The following MACROD2 variants were observed in gnomAD, a reference collection of about 807,000 sequenced individuals.
The protein encoded by MACROD2 is ADP-ribose glycohydrolase MACROD2.
Under a neutral mutation model 70.4 loss-of-function variants are expected in MACROD2, and 36 were observed. The ratio of observed to expected loss-of-function variants is 0.51; its 90% confidence interval spans 0.39 to 0.68. The LOEUF is 0.68. Ranked by LOEUF, MACROD2 falls within the 30% of genes least tolerant of loss-of-function variation. MACROD2 has a pLI of 0.00. For missense variants in MACROD2, 496 were observed against 538.4 expected (o/e 0.92, Z 0.78); for synonymous variants, 172 against 178.8 (o/e 0.96, Z 0.30).
chr20:15,304,617 G>T (rs1600221255), intron 6 of MACROD2, among the ~76,000 whole-genome samples: 1 of 152,198 alleles, frequency 6.6e-6, no homozygotes, highest in East Asian at 1.9e-4. Flanking sequence ...AGCACCAGTG[G>T]CGTTATCAGC....
At chr20:14,363,129 TCTAA>T (rs969168764) in intron 3 of MACROD2, among the ~76,000 whole-genome samples, 236 of 152,282 alleles carry the variant, frequency 1.5e-3, no homozygotes, top group African/African-American at 5.4e-3. Flanking sequence ...ACACTTGAGC[TCTAA>T]CTCTCACTCT....
chr20:14,826,045 A>C (rs891505729), intron 5 of MACROD2, among the ~76,000 whole-genome samples: 4 of 152,168 alleles, frequency 2.6e-5, no homozygotes, highest in African/African-American at 9.7e-5. Flanking sequence ...CAGATGTGGA[A>C]CTAAAGTACA....
intron 8 of MACROD2, among the ~76,000 whole-genome samples, chr20:15,622,279 A>G (rs2049137041): frequency 6.6e-6 from 1 of 152,248 alleles, no homozygotes; most frequent in Non-Finnish European, 1.5e-5. Context: ...GACATTCTCC[A>G]AGGAAACAAT....
At chr20:14,702,257 C>T (rs2071205066) in intron 5 of MACROD2, among the ~76,000 whole-genome samples, 1 of 151,590 alleles carries the variant, frequency 6.6e-6, no homozygotes, top group Admixed American at 6.6e-5. Flanking sequence ...AACATTTTGC[C>T]TCTTTATTTC....
chr20:14,492,696 T>C (rs1301005439), intron 3 of MACROD2, among the ~76,000 whole-genome samples: 5 of 152,110 alleles, frequency 3.3e-5, no homozygotes, highest in Non-Finnish European at 7.4e-5. Context: ...CAAGAAATAA[T>C]TCCTGTGATA....
intron 3 of MACROD2, among the ~76,000 whole-genome samples, chr20:14,384,845 T>C (rs1015252530): frequency 1.3e-5 from 2 of 152,152 alleles, no homozygotes; most frequent in Non-Finnish European, 2.9e-5. Context: ...TCTGATATAC[T>C]TTAGAGTGCT....
Position 14,153,333 on chromosome 20 carries a change from G to A in MACROD2, c.271+67605G>A, listed in dbSNP as rs191885109. Among the ~76,000 whole-genome samples, 298 of 152,282 alleles carry A rather than the reference G, an allele frequency of 2.0e-3. 5 individuals are homozygous for A. The highest frequency in any genetic ancestry group is 6.7e-3 in the African/African-American group (279 of 41,554). On this transcript the variant is annotated intron_variant, in intron 3 of 17. Coordinates refer to ENST00000684519, the MANE Select transcript of MACROD2 (RefSeq NM_001351661.2). ...GCAAAACCGTCCTAGTGGGTGTCAG[G>A]TAACCCTACATGCTTTAGTACAATT...
Position 14,559,700 on chromosome 20 carries a change from T to C in MACROD2, c.301+66192T>C, listed in dbSNP as rs139251562. Among the ~76,000 whole-genome samples, 841 of 151,962 alleles carry C rather than the reference T, an allele frequency of 5.5e-3. 9 individuals carry two copies. The highest frequency in any genetic ancestry group is 0.019 in the African/African-American group (786 of 41,528). The stretch of plus-strand genomic sequence containing the variant: ...ATTCTCACACTTTTTTCTTTAGTTA[T>C]ATACATAAATCATTTTAGGGCTGAC... On this transcript the variant is annotated intron_variant, in intron 4 of 17. Coordinates refer to ENST00000684519, the MANE Select transcript of MACROD2 (RefSeq NM_001351661.2).
chr20:15,444,378 C>T (rs16995750), intron 7 of MACROD2, among the ~76,000 whole-genome samples: 25,570 of 152,104 alleles, frequency 0.17, 2,628 homozygotes, highest in Non-Finnish European at 0.24. Context: ...ATAATTACAT[C>T]GCTAAATATA....
At chr20:15,156,129 T>C (rs1267348692) in intron 5 of MACROD2, among the ~76,000 whole-genome samples, 1 of 152,188 alleles carries the variant, frequency 6.6e-6, no homozygotes, top group African/African-American at 2.4e-5. Flanking sequence ...TGCAATTTCC[T>C]TTTTCCTCAC....
At chr20:14,971,608 T>C (rs987944820) in intron 5 of MACROD2, among the ~76,000 whole-genome samples, 2 of 152,070 alleles carry the variant, frequency 1.3e-5, no homozygotes, top group African/African-American at 4.8e-5. Flanking sequence ...CTGGGGCAGG[T>C]CTCACTTGGG....
At chr20:14,143,815 T>C (rs2054908626) in intron 3 of MACROD2, among the ~76,000 whole-genome samples, 1 of 152,202 alleles carries the variant, frequency 6.6e-6, no homozygotes, top group African/African-American at 2.4e-5. Context: ...ATGAAACATT[T>C]CTGAAGAAAT....
chr20:15,304,750 A>T (rs1263408018), intron 6 of MACROD2, among the ~76,000 whole-genome samples: 2 of 152,076 alleles, frequency 1.3e-5, no homozygotes, highest in African/African-American at 4.8e-5. Context: ...AAAAGTTTAA[A>T]TATTTAGCCA....
intron 5 of MACROD2, among the ~76,000 whole-genome samples, chr20:14,737,288 C>CT (rs1174068631): frequency 6.6e-6 from 1 of 152,096 alleles, no homozygotes; most frequent in African/African-American, 2.4e-5. Context: ...TGAACTCATC[C>CT]TTTTTTGTGG....
In MACROD2 at chr20:14,070,482, C is replaced by A. The variant is rs147702568; in HGVS notation, c.164-15139C>A. Reference sequence around the variant, plus strand: ...TATATCCGTAAAACCTCTTACCGAACCCAAAATTATTTTTCTGATCATCTT... The same window carrying A: ...TATATCCGTAAAACCTCTTACCGAAACCAAAATTATTTTTCTGATCATCTT... On this transcript the variant is annotated intron_variant, in intron 2 of 17. Transcript: ENST00000684519. Among the ~76,000 whole-genome samples the A allele has an allele frequency of 2.8e-4, 42 of 152,158 alleles. No homozygotes were observed. In the East Asian group the frequency reaches 7.5e-3, roughly 27 times the overall value.
At chr20:14,743,884 G>A (rs950034027) in intron 5 of MACROD2, among the ~76,000 whole-genome samples, 4 of 152,122 alleles carry the variant, frequency 2.6e-5, no homozygotes, top group African/African-American at 9.7e-5. Context: ...ACACAGGGGT[G>A]GTCCAAGTCA....
At chr20:14,121,996 T>C (rs2054595342) in intron 3 of MACROD2, among the ~76,000 whole-genome samples, 2 of 152,212 alleles carry the variant, frequency 1.3e-5, no homozygotes, top group Non-Finnish European at 2.9e-5. Context: ...AATCATTTTT[T>C]CCCCTTTAAT....
intron 10 of MACROD2, among the ~76,000 whole-genome samples, chr20:15,895,933 C>A (rs2064965193): frequency 6.6e-6 from 1 of 152,204 alleles, no homozygotes; most frequent in African/African-American, 2.4e-5. Context: ...GCACTTATTA[C>A]TTATCAGAGT....
intron 12 of MACROD2, among the ~76,000 whole-genome samples, chr20:15,956,152 C>T (rs899618704): frequency 6.6e-6 from 1 of 152,114 alleles, no homozygotes; most frequent in East Asian, 1.9e-4. Flanking sequence ...TGGACAGTGT[C>T]TGGATTTAGA....
Sources: allele counts gnomAD v4.1 joint callset (sites outside exome capture counted in the v4.1 genomes callset), GRCh38; gene constraint gnomAD v4.1.1; transcripts MANE v1.5; gene names NCBI Gene and HGNC (gene_info 2026-07-23, HGNC 2026-07-21).